The following DDX27 variants were observed in gnomAD, a reference collection of about 807,000 sequenced individuals.
DDX27 encodes the protein probable ATP-dependent RNA helicase DDX27.
Under a neutral mutation model 99.3 loss-of-function variants are expected in DDX27, and 42 were observed. The ratio of observed to expected loss-of-function variants is 0.42; its 90% CI spans 0.33 to 0.55. The LOEUF is 0.55. Among genes scored for constraint, DDX27 ranks in the 20% least tolerant of loss-of-function variants. DDX27 has a pLI of 0.07. For missense variants in DDX27, 798 were observed against 976.8 expected (o/e 0.82, Z 2.44); for synonymous variants, 329 against 353.8 (o/e 0.93, Z 0.79).
chr20:49,219,636 C>A, intron 1 of DDX27, 95 bp downstream of exon 1: 1 of 1,331,686 alleles, frequency 7.5e-7, no homozygotes, highest in Non-Finnish European at 1.0e-6. Flanking sequence ...CATCCCCTGC[C>A]AGCCCCGGAA....
intron 10 of DDX27, 31 bp downstream of exon 10, chr20:49,233,436 G>T: frequency 1.9e-6 from 3 of 1,610,524 alleles, no homozygotes; most frequent in Non-Finnish European, 2.5e-6. Context: ...GTGGCGGGTG[G>T]CAGGTGTGCC....
At chr20:49,222,901 T>C (rs900115326) in intron 2 of DDX27, 56 bp from the exon 3 acceptor site, 1 of 1,456,842 alleles carries the variant, frequency 6.9e-7, no homozygotes, top group Non-Finnish European at 9.3e-7. Flanking sequence ...GAGTTTGTTC[T>C]CTTATTCGAT....
At chr20:49,219,779 T>A (rs750505572) in intron 1 of DDX27, among the ~76,000 whole-genome samples, 1 of 152,144 alleles carries the variant, frequency 6.6e-6, no homozygotes, top group Non-Finnish European at 1.5e-5. Context: ...ATCTATTCAC[T>A]GAACTGATAT....
chr20:49,229,544 C>G (rs147743856), intron 8 of DDX27, among the ~76,000 whole-genome samples: 1 of 152,032 alleles, frequency 6.6e-6, no homozygotes, highest in Non-Finnish European at 1.5e-5. Flanking sequence ...GCATTTTGCC[C>G]TCCTTGTGCT....
In DDX27 at chr20:49,230,188, TCTC is replaced by T; in HGVS notation, c.881-10_881-8del. Reference sequence around the variant, plus strand: ...ACCTGGCCGCCTGGTGGGGCTCTCTTCTCTTTGCAGGCGGCTTGGATGTGAAGT... The same window carrying T: ...ACCTGGCCGCCTGGTGGGGCTCTCTTTTTGCAGGCGGCTTGGATGTGAAGT... On this transcript the variant is annotated splice_polypyrimidine_tract_variant and splice_region_variant and intron_variant, in intron 8 of 20. Coordinates refer to ENST00000618172, the MANE Select transcript of DDX27 (RefSeq NM_017895.8). 6 of 1,607,692 alleles carry T rather than the reference TCTC, an allele frequency of 3.7e-6. No homozygotes were observed. Among genetic ancestry groups the T allele is most frequent in the Non-Finnish European group, 5.1e-6 (6 of 1,177,602 alleles).
chr20:49,228,611 T>C, intron 7 of DDX27, 104 bp from the exon 8 acceptor site: 3 of 1,151,288 alleles, frequency 2.6e-6, no homozygotes, highest in Non-Finnish European at 3.6e-6. Flanking sequence ...ATAAGTTCCT[T>C]TATTTTCCCC....
Position 49,219,496 on chromosome 20 carries a change from G to A in DDX27, c.48G>A (p.Glu16=). Residue 16 remains glutamate (E), a synonymous_variant, in exon 1 of 21, where the codon GAG becomes GAA. Coordinates refer to ENST00000618172, the MANE Select transcript of DDX27 (RefSeq NM_017895.8). ...GLIGTIGEDD[E]VPVEPESDSG... ...TCGGAACCATAGGCGAGGATGACGAGGTGCCGGTGGAGCCCGAGTCTGACT... is the reference window on the plus strand; with the variant it reads ...TCGGAACCATAGGCGAGGATGACGAAGTGCCGGTGGAGCCCGAGTCTGACT... 1 of 1,614,090 alleles carries A rather than the reference G, an allele frequency of 6.2e-7. No individual in the cohort carries two copies. Among genetic ancestry groups the A allele is most frequent in the Non-Finnish European group, 8.5e-7 (1 of 1,179,984 alleles).
At position 49,228,849 on chromosome 20, in the gene DDX27, C is replaced by T; in HGVS notation, c.841C>T (p.Leu281=). The T allele has an allele frequency of 1.9e-6, 3 of 1,609,404 alleles. No homozygotes were observed. The highest frequency in any genetic ancestry group is 2.5e-6 in the Non-Finnish European group (3 of 1,176,884). The part of the protein sequence containing the change: ...GIQVHSVTRQ[L]AQFCNITTCL... Reference sequence around the variant, plus strand: ...CCAGGTGCACTCTGTCACCAGACAGCTGGCCCAGTTCTGCAACATCACCAC... The same window carrying T: ...CCAGGTGCACTCTGTCACCAGACAGTTGGCCCAGTTCTGCAACATCACCAC... Residue 281 remains leucine (L), a synonymous_variant, in exon 8 of 21, where the codon CTG becomes TTG. Transcript: ENST00000618172.
chr20:49,232,162 T>G (rs1165053310), intron 9 of DDX27, among the ~76,000 whole-genome samples: 1 of 152,042 alleles, frequency 6.6e-6, no homozygotes, highest in African/African-American at 2.4e-5. Flanking sequence ...TTTGGGATTA[T>G]AGGCATGAGC....
At position 49,223,316 on chromosome 20, in the gene DDX27, G is replaced by C. The variant is rs200942195; in HGVS notation, c.349G>C (p.Glu117Gln). The C allele has an allele frequency of 1.4e-5, 22 of 1,613,776 alleles. No homozygotes were observed. The highest frequency in any genetic ancestry group is 1.9e-5 in the Non-Finnish European group (22 of 1,179,990). ...GTTGGAAAAGGAGAAAGAAGCAAAG[G>C]AAGGCTCTGAACCAAAGGAGCAGGA... ...GKLEKEKEAK[E>Q]GSEPKEQEDL... The change falls in exon 4 of 21, where the codon GAA becomes CAA. Residue 117 changes from glutamate to glutamine, a missense_variant. Glu to Gln is a conservative substitution (Grantham distance 29, BLOSUM62 2). This residue lies in a region of DDX27 where 245 missense variants were observed against 248.8 expected (regional missense o/e 0.98). Coordinates refer to ENST00000618172, the MANE Select transcript of DDX27 (RefSeq NM_017895.8).
In DDX27 at chr20:49,223,386, C is replaced by G. The variant is rs778839344; in HGVS notation, c.419C>G (p.Ser140Trp). The change falls in exon 4 of 21, where the codon TCG becomes TGG. Residue 140 changes from serine (S) to tryptophan (W), a missense_variant. Ser to Trp is a radical substitution (Grantham distance 177). Coordinates refer to ENST00000618172, the MANE Select transcript of DDX27 (RefSeq NM_017895.8). ...GAGGAAGGCTCAGAAGATGAAGCCT[C>G]GGAGACTGACTACTCATCAGCTGAT... is the stretch of plus-strand genomic sequence containing the variant. ...NDEEGSEDEA[S>W]ETDYSSADEN... 4 of 1,613,508 alleles carry G rather than the reference C, an allele frequency of 2.5e-6. No homozygotes were observed. The African/African-American group carries it at 4.0e-5, about 16-fold the overall frequency.
intron 7 of DDX27, 61 bp from the exon 8 acceptor site, chr20:49,228,654 A>C: frequency 6.9e-7 from 1 of 1,450,996 alleles, no homozygotes; most frequent in Non-Finnish European, 9.2e-7. Flanking sequence ...CTCTGGTGAA[A>C]ACCTAACCCT....
intron 6 of DDX27, 26 bp downstream of exon 6, chr20:49,225,225 C>A: frequency 6.3e-7 from 1 of 1,579,988 alleles, no homozygotes; most frequent in East Asian, 2.2e-5. Context: ...CAAAAATTTT[C>A]TTTGTAGAAG....
chr20:49,230,249 A>T lies in DDX27; in HGVS notation c.931A>T (p.Ile311Phe). ...AGCAGCTCTTCGGGCAGCGCCTGAC[A>T]TCCTCATCGCCACCCCAGGCCGGCT... The part of the protein sequence containing the change: ...QEAALRAAPD[I>F]LIATPGRLID... Residue 311 changes from isoleucine to phenylalanine, a missense_variant, in exon 9 of 21, where the codon ATC (isoleucine) becomes TTC (phenylalanine). This residue lies in a region of DDX27 where 553 missense variants were observed against 727.9 expected (regional missense o/e 0.76). Transcript: ENST00000618172. The T allele has an allele frequency of 6.2e-7, 1 of 1,613,370 alleles. No homozygotes were observed. Among genetic ancestry groups the T allele is most frequent in the Non-Finnish European group, 8.5e-7 (1 of 1,180,000 alleles).
chr20:49,230,825 ACT>A (rs1466054978), intron 9 of DDX27, among the ~76,000 whole-genome samples: 1 of 151,772 alleles, frequency 6.6e-6, no homozygotes, highest in Admixed American at 6.6e-5. Flanking sequence ...TTGCTCTGGG[ACT>A]GAACAGAAGG....
intron 1 of DDX27, 138 bp downstream of exon 1, chr20:49,219,679 G>C: frequency 1.1e-6 from 1 of 904,040 alleles, no homozygotes; most frequent in Non-Finnish European, 1.6e-6. Flanking sequence ...GGGACCCCAA[G>C]ATCTTCCTCA....
intron 11 of DDX27, 129 bp downstream of exon 11, chr20:49,233,838 T>TGGG: frequency 2.0e-6 from 2 of 1,021,148 alleles, no homozygotes; most frequent in Non-Finnish European, 2.9e-6. Flanking sequence ...GAGGCTGCAC[T>TGGG]GCACTAATGA....
chr20:49,230,714 G>T (rs1377452014), intron 9 of DDX27, among the ~76,000 whole-genome samples: 1 of 152,202 alleles, frequency 6.6e-6, no homozygotes, highest in Non-Finnish European at 1.5e-5. Context: ...GGAAGTGCCA[G>T]CGTGGCTCCC....
At chr20:49,223,096 C>A in intron 3 of DDX27, 80 bp downstream of exon 3, 1 of 1,463,446 alleles carries the variant, frequency 6.8e-7, no homozygotes, top group Non-Finnish European at 9.5e-7. Context: ...CTCTGGAAGC[C>A]CTTATAGAGC....
Sources: gnomAD v4.1 joint callset for allele counts (sites outside exome capture counted in the v4.1 genomes callset) on GRCh38, gnomAD v4.1.1 for gene constraint, gnomAD v4.1.1 regional missense constraint, MANE v1.5 for transcripts, NCBI Gene and HGNC (gene_info 2026-07-23, HGNC 2026-07-21) for gene names.